Variants in MLXIPL observed in about 807,000 individuals in gnomAD.
MLXIPL encodes MLX interacting protein like.
In MLXIPL, 49 loss-of-function variants were observed where a neutral mutation model predicts 81.5. That is an observed-to-expected ratio of 0.60 (90% CI 0.48 to 0.76). MLXIPL has a LOEUF of 0.76. Ranked by LOEUF, MLXIPL falls within the 30% of genes least tolerant of loss-of-function variation. MLXIPL has a pLI of 0.00. For missense variants in MLXIPL, 1,053 were observed against 1,167.0 expected, an observed-to-expected ratio of 0.90 and a Z score of 1.42; for synonymous variants, 466 against 485.5, an observed-to-expected ratio of 0.96 and a Z score of 0.53.
chr7:73,628,276 G>C (rs555926569), upstream of MLXIPL, among the ~76,000 whole-genome samples: 1 of 152,108 alleles, frequency 6.6e-6, no homozygotes, highest in African/African-American at 2.4e-5. Flanking sequence ...GGATCTGAGC[G>C]GGTGGGAAGA....
the MLXIPL span, among the ~76,000 whole-genome samples, chr7:73,641,660 G>A: frequency 1.5e-4 from 23 of 151,986 alleles, no homozygotes; most frequent in African/African-American, 4.8e-4. Context: ...ATGGAGCCTC[G>A]CTCTGTCACC....
upstream of MLXIPL, among the ~76,000 whole-genome samples, chr7:73,628,413 G>T (rs968315859): frequency 6.6e-6 from 1 of 152,106 alleles, no homozygotes; most frequent in South Asian, 2.1e-4. Context: ...AAGCCTAACC[G>T]CTGAAAAGAC....
chr7:73,639,448 G>T, the MLXIPL span, among the ~76,000 whole-genome samples: 1 of 152,104 alleles, frequency 6.6e-6, no homozygotes, highest in Non-Finnish European at 1.5e-5. Flanking sequence ...AATCCCTATA[G>T]GGAAATACTA....
chr7:73,632,743 T>TTTCTTTCC, the MLXIPL span, among the ~76,000 whole-genome samples: 1 of 133,846 alleles, frequency 7.5e-6, no homozygotes, highest in Non-Finnish European at 1.6e-5. Context: ...TCCTTCCTTC[T>TTTCTTTCC]TTCCTTCCTT....
chr7:73,602,110 G>T lies in MLXIPL; in HGVS notation c.902-2415C>A, dbSNP rs187296166. 1.5e-4 allele frequency among the ~76,000 whole-genome samples: 11 copies of T among 71,546 alleles called. 1 individual carries two copies. Among genetic ancestry groups the T allele is most frequent in the South Asian group, 6.1e-4 (1 of 1,640 alleles). The allele number at this position is 71,546 out of a possible 152,430, so 46.9% of individuals were successfully genotyped here. ...TGCCTGCCTGCCTTCCTGCCTGCCT[G>T]CCTGCCTGCCTGCCTGCCTGCCTTC... On this transcript the variant is annotated intron_variant, in intron 7 of 16. Coordinates refer to ENST00000313375, the MANE Select transcript of MLXIPL (RefSeq NM_032951.3).
Position 73,605,821 on chromosome 7 carries a change from C to T in MLXIPL, c.821-53G>A. On this transcript the variant is annotated intron_variant, in intron 6 of 16. Transcript: ENST00000313375. ...GCAGCAGGCAGGGAGGAGCAGGGTC[C>T]CCACCCCCATCCCCAGCCATCCCTC... is the stretch of plus-strand genomic sequence containing the variant. The T allele has an allele frequency of 1.9e-6, 3 of 1,593,888 alleles. No homozygotes were observed. In the South Asian group the frequency reaches 3.4e-5, roughly 18 times the overall value.
At chr7:73,597,877 G>A (rs141285800) in intron 8 of MLXIPL, among the ~76,000 whole-genome samples, 164 bp from the exon 9 acceptor site, 36 of 152,204 alleles carry the variant, frequency 2.4e-4, no homozygotes, top group African/African-American at 6.5e-4. Context: ...ACAGGTGTGC[G>A]AACATATACA....
At chr7:73,624,085 C>G in intron 1 of MLXIPL, 115 bp downstream of exon 1, 3 of 1,367,356 alleles carry the variant, frequency 2.2e-6, no homozygotes. Context: ...CCTCCGGGAG[C>G]CGCAGGACCG....
At chr7:73,619,542 T>C (rs1796204352) in intron 1 of MLXIPL, among the ~76,000 whole-genome samples, 1 of 151,192 alleles carries the variant, frequency 6.6e-6, no homozygotes, top group Middle Eastern at 3.2e-3. Context: ...AGTGGGAAGA[T>C]CGCTTGAGCC....
upstream of MLXIPL, among the ~76,000 whole-genome samples, chr7:73,628,993 C>A (rs1387922072): frequency 2.6e-5 from 4 of 152,138 alleles, no homozygotes; most frequent in Admixed American, 1.3e-4. Context: ...ATGACATCTT[C>A]CCCAAGTTCT....
At position 73,596,510 on chromosome 7, in the gene MLXIPL, G is replaced by T. The variant is rs782565543; in HGVS notation, c.1823-31C>A. 1 of 1,612,008 alleles carries T rather than the reference G, an allele frequency of 6.2e-7. No homozygotes were observed. Among genetic ancestry groups the T allele is most frequent in the Non-Finnish European group, 8.5e-7 (1 of 1,179,532 alleles). On this transcript the variant is annotated intron_variant, in intron 11 of 16. Coordinates refer to ENST00000313375, the MANE Select transcript of MLXIPL (RefSeq NM_032951.3). The surrounding 1 kb of genome is among the most constrained non-coding windows in gnomAD (Gnocchi z 4.7). ...GTAGGGACAGACAGACCCACAGAAA[G>T]ACCGACCCAGGGGAAAGGGTCCCCA... is the stretch of plus-strand genomic sequence containing the variant.
upstream of MLXIPL, among the ~76,000 whole-genome samples, chr7:73,629,135 C>A (rs1233430304): frequency 6.6e-6 from 1 of 151,920 alleles, no homozygotes; most frequent in Non-Finnish European, 1.5e-5. Context: ...CTCCACCTCC[C>A]GGATTCAAGC....
chr7:73,618,200 G>A (rs1227839306), intron 1 of MLXIPL, among the ~76,000 whole-genome samples: 1 of 152,178 alleles, frequency 6.6e-6, no homozygotes, highest in Non-Finnish European at 1.5e-5. Context: ...AGGTTCAAAT[G>A]ATTCTCGTGC....
Position 73,624,337 on chromosome 7 carries a change from G to A in MLXIPL, c.156C>T (p.Phe52=). 1.3e-6 allele frequency: 2 copies of A among 1,588,116 alleles called. No homozygotes were observed. Among genetic ancestry groups the A allele is most frequent in the South Asian group, 2.3e-5 (2 of 87,952 alleles). ...AGTCGCTGTGCGGCGACGACACCAT[G>A]AAGTGACCGCTGTGGATGACCTGCG... The part of the protein sequence containing the change: ...LRSQVIHSGH[F]MVSSPHSDSL... Residue 52 remains phenylalanine (F), a synonymous_variant, in exon 1 of 17, where the codon TTC becomes TTT. Coordinates refer to ENST00000313375, the MANE Select transcript of MLXIPL (RefSeq NM_032951.3).
At chr7:73,598,805 G>A (rs1794555516) in intron 8 of MLXIPL, among the ~76,000 whole-genome samples, 1 of 152,020 alleles carries the variant, frequency 6.6e-6, no homozygotes, top group Admixed American at 6.6e-5. Context: ...CTATAACCAA[G>A]CAGCAGGAAG....
At chr7:73,617,746 G>A (rs533980675) in intron 1 of MLXIPL, among the ~76,000 whole-genome samples, 3 of 152,154 alleles carry the variant, frequency 2.0e-5, no homozygotes, top group Non-Finnish European at 2.9e-5. Context: ...CTAGGGAGGC[G>A]AGGTCAGAGG....
At chr7:73,639,190 A>G in the MLXIPL span, among the ~76,000 whole-genome samples, 1 of 152,180 alleles carries the variant, frequency 6.6e-6, no homozygotes. Flanking sequence ...ATCCCAGGCC[A>G]GGAAGAAACA....
intron 15 of MLXIPL, 52 bp from the exon 16 acceptor site, chr7:73,594,455 C>G (rs542886344): frequency 3.8e-6 from 6 of 1,598,348 alleles, no homozygotes; most frequent in African/African-American, 1.3e-5. Context: ...CCCCACACCA[C>G]GTGGAGCCCT....
At position 73,606,717 on chromosome 7, in the gene MLXIPL, C is replaced by T. The variant is rs550809926; in HGVS notation, c.618+257G>A. The T allele has an allele frequency of 1.9e-4, 94 of 498,920 alleles. 1 individual carries two copies. The highest frequency in any genetic ancestry group is 5.8e-4 in the Middle Eastern group (1 of 1,722). 30.9% of individuals were successfully genotyped at this position (498,920 alleles called of 1,614,324 possible). On this transcript the variant is annotated intron_variant, in intron 5 of 16. Coordinates refer to ENST00000313375, the MANE Select transcript of MLXIPL (RefSeq NM_032951.3). ...CTGGGATGACAGGCGTGAGCCACCA[C>T]GCCCGGCCTGGTCCCTCTGTTCTCC... is the stretch of plus-strand genomic sequence containing the variant.
Sources: allele counts gnomAD v4.1 joint callset (sites outside exome capture counted in the v4.1 genomes callset), GRCh38; gene constraint gnomAD v4.1.1; non-coding constraint Gnocchi (gnomAD v3.1); transcripts MANE v1.5; gene names NCBI Gene and HGNC (gene_info 2026-07-23, HGNC 2026-07-21).